ABL2: variants seen among roughly 807,000 people sequenced by gnomAD.
ABL2 encodes the protein tyrosine-protein kinase ABL2.
Under a neutral mutation model 107.7 loss-of-function variants are expected in ABL2, and 49 were observed. The ratio of observed to expected loss-of-function variants is 0.45; its 90% CI spans 0.36 to 0.58. The LOEUF is 0.58. Ranked by LOEUF, ABL2 falls within the 20% of genes least tolerant of loss-of-function variation. The probability of loss-of-function intolerance (pLI) is 0.00; values close to 1 mark genes in which losing one functional copy is unlikely to be tolerated. For missense variants in ABL2, 1,245 were observed against 1,457.0 expected, an observed-to-expected ratio of 0.85 and a Z score of 2.37; for synonymous variants, 549 against 548.6, an observed-to-expected ratio of 1.00 and a Z score of -0.01.
intron 1 of ABL2, among the ~76,000 whole-genome samples, chr1:179,158,793 C>T (rs1658866294): frequency 6.6e-6 from 1 of 152,132 alleles, no homozygotes; most frequent in South Asian, 2.1e-4. Context: ...ACTATACCAA[C>T]TATGATTTGT....
intron 1 of ABL2, among the ~76,000 whole-genome samples, chr1:179,165,724 C>T (rs1467134179): frequency 3.3e-5 from 5 of 151,922 alleles, no homozygotes; most frequent in East Asian, 1.9e-4. Flanking sequence ...CAAAAACACA[C>T]ACTAGATCAT....
chr1:179,213,603 TAC>T lies in ABL2; in HGVS notation c.157+15636_157+15637del, dbSNP rs1662404608. Among the ~76,000 whole-genome samples the T allele has an allele frequency of 5.3e-5, 8 of 151,990 alleles. No homozygotes were observed. The South Asian group carries it at 1.7e-3, about 32-fold the overall frequency. On this transcript the variant is annotated intron_variant, in intron 1 of 11. Transcript: ENST00000502732. ...GGTGTGAGCCACCACTCCTGGCCAA[TAC>T]TTCTCAGTTAGGACAAAGGACATTT...
chr1:179,183,357 TAACAAC>T (rs28914481), intron 1 of ABL2, among the ~76,000 whole-genome samples: 2 of 152,078 alleles, frequency 1.3e-5, no homozygotes, highest in South Asian at 2.1e-4. Flanking sequence ...CTTAAATTTA[TAACAAC>T]AACAACAACA....
chr1:179,104,060 G>GT lies in ABL2; in HGVS notation c.*3657dup, dbSNP rs1214187630. 3 of 233,026 alleles carry GT rather than the reference G, an allele frequency of 1.3e-5. No homozygotes were observed. The East Asian group carries it at 1.8e-4, about 14-fold the overall frequency. 14.4% of individuals were successfully genotyped at this position (233,026 alleles called of 1,614,324 possible). On this transcript the variant is annotated 3_prime_UTR_variant, in exon 12 of 12. Transcript: ENST00000502732. ...CAGTTTTTTTTGTTTGTTTTGTTTT[G>GT]TTTTTTAACCCTAGGGGATTCTGCT...
In ABL2 at chr1:179,163,205, G is replaced by A. The variant is rs138927930; in HGVS notation, c.158-29831C>T. Among the ~76,000 whole-genome samples the A allele has an allele frequency of 6.0e-4, 92 of 152,300 alleles. 1 individual carries two copies. Among genetic ancestry groups the A allele is most frequent in the Admixed American group, 3.1e-3 (48 of 15,292 alleles). ...GACACCACTATATGCCTATTGGAATGGCTAAGACAGAAAATACTGACATCA... is the reference window on the plus strand; with the variant it reads ...GACACCACTATATGCCTATTGGAATAGCTAAGACAGAAAATACTGACATCA... On this transcript the variant is annotated intron_variant, in intron 1 of 11. Coordinates refer to ENST00000502732, the MANE Select transcript of ABL2 (RefSeq NM_007314.4).
chr1:179,151,222 T>C (rs1658342845), intron 1 of ABL2, among the ~76,000 whole-genome samples: 1 of 152,204 alleles, frequency 6.6e-6, no homozygotes, highest in Non-Finnish European at 1.5e-5. Flanking sequence ...CTACCTCTCA[T>C]ACACTCACAT....
chr1:179,192,145 A>G (rs971913708), intron 1 of ABL2, among the ~76,000 whole-genome samples: 3 of 152,208 alleles, frequency 2.0e-5, no homozygotes, highest in African/African-American at 7.2e-5. Context: ...CTCTATACTC[A>G]GTAGTTACAG....
intron 1 of ABL2, among the ~76,000 whole-genome samples, chr1:179,135,879 GGC>G (rs1656891650): frequency 6.8e-6 from 1 of 146,500 alleles, no homozygotes; most frequent in Admixed American, 6.7e-5. Flanking sequence ...GAGGTGAGGG[GGC>G]GCCTCTGCCC....
In ABL2 at chr1:179,108,303, T is replaced by C. The variant is rs766019200; in HGVS notation, c.2964A>G (p.Pro988=). The C allele has an allele frequency of 6.2e-7, 1 of 1,613,590 alleles. No individual in the cohort carries two copies. Reference sequence around the variant, plus strand: ...ACGGATGCTGCAGTAGTCTCATCACTGGTGGTGGGGGTGGGGCACACTTTG... The same window carrying C: ...ACGGATGCTGCAGTAGTCTCATCACCGGTGGTGGGGGTGGGGCACACTTTG... ...VKPKCAPPPP[P]VMRLLQHPSI... is the part of the protein sequence containing the mutation. The change falls in exon 12 of 12, where the codon CCA becomes CCG. Residue 988 remains proline, a synonymous_variant. Transcript: ENST00000502732.
chr1:179,103,123 G>A lies in ABL2; in HGVS notation c.*4595C>T, dbSNP rs144717721. ...TCAAGGTCCTTGGAAGAGCTTCTGTGTTCTGGAGTGAGTACACATTCTTAC... is the reference window on the plus strand; with the variant it reads ...TCAAGGTCCTTGGAAGAGCTTCTGTATTCTGGAGTGAGTACACATTCTTAC... On this transcript the variant is annotated 3_prime_UTR_variant, in exon 12 of 12. Transcript: ENST00000502732. 1.5e-3 allele frequency: 334 copies of A among 220,080 alleles called. 2 individuals are homozygous for A. Among genetic ancestry groups the A allele is most frequent in the African/African-American group, 7.0e-3 (312 of 44,702 alleles). 13.6% of individuals were successfully genotyped at this position (220,080 alleles called of 1,614,324 possible).
chr1:179,180,022 G>A (rs899527358), intron 1 of ABL2, among the ~76,000 whole-genome samples: 1 of 151,908 alleles, frequency 6.6e-6, no homozygotes, highest in African/African-American at 2.4e-5. Flanking sequence ...TGAGGTGGGA[G>A]GATCACTTGA....
At position 179,099,840 on chromosome 1, in the gene ABL2, C is replaced by T. The variant is rs1214588595; in HGVS notation, c.*7878G>A. 1 of 232,132 alleles carries T rather than the reference C, an allele frequency of 4.3e-6. No homozygotes were observed. The highest frequency in any genetic ancestry group is 2.2e-5 in the African/African-American group (1 of 45,284). The allele number at this position is 232,132 out of a possible 1,614,324, so 14.4% of individuals were successfully genotyped here. ...TGACAGTCATTAGAGAATCAGACTGCAGAGAAGGAAAAGTGCAGGGTCTGG... is the reference window on the plus strand; with the variant it reads ...TGACAGTCATTAGAGAATCAGACTGTAGAGAAGGAAAAGTGCAGGGTCTGG... On this transcript the variant is annotated 3_prime_UTR_variant, in exon 12 of 12. Coordinates refer to ENST00000502732, the MANE Select transcript of ABL2 (RefSeq NM_007314.4).
chr1:179,150,921 T>C (rs1189242326), intron 1 of ABL2, among the ~76,000 whole-genome samples: 2 of 152,208 alleles, frequency 1.3e-5, no homozygotes, highest in Non-Finnish European at 2.9e-5. Flanking sequence ...GCCATCAATG[T>C]TGGGGCCAGG....
At chr1:179,124,420 A>C (rs1394818169) in intron 4 of ABL2, among the ~76,000 whole-genome samples, 4 of 147,024 alleles carry the variant, frequency 2.7e-5, no homozygotes, top group Non-Finnish European at 6.0e-5. Context: ...GCCCTTGCAG[A>C]GATAGCCACT....
rs1352165829 is a variant in ABL2, at chr1:179,123,895, T to G, written c.688-2028A>C. Among the ~76,000 whole-genome samples the G allele has an allele frequency of 2.0e-5, 3 of 152,068 alleles. No homozygotes were observed. In the East Asian group the frequency reaches 5.9e-4, roughly 30 times the overall value. On this transcript the variant is annotated intron_variant, in intron 4 of 11. Coordinates refer to ENST00000502732, the MANE Select transcript of ABL2 (RefSeq NM_007314.4). ...ATCTACCCTCCTTGGCCTCCCCAAG[T>G]GTTGGGATTACAGGCATAGGCCACC...
intron 1 of ABL2, among the ~76,000 whole-genome samples, chr1:179,226,525 T>G (rs965560336): frequency 1.3e-5 from 2 of 152,016 alleles, no homozygotes; most frequent in Non-Finnish European, 2.9e-5. Flanking sequence ...CTCAGGCTGG[T>G]CTCGAACTCC....
At chr1:179,125,629 T>C (rs1655661844) in intron 4 of ABL2, among the ~76,000 whole-genome samples, 1 of 152,222 alleles carries the variant, frequency 6.6e-6, no homozygotes, top group African/African-American at 2.4e-5. Context: ...CATTATGTTT[T>C]ACAGAAATTA....
At chr1:179,122,536 G>A (rs144301287) in intron 4 of ABL2, among the ~76,000 whole-genome samples, 1 of 151,728 alleles carries the variant, frequency 6.6e-6, no homozygotes, top group African/African-American at 2.4e-5. Context: ...ATTAGTCTTG[G>A]GAAAAACCTT....
At chr1:179,189,271 G>T (rs2816197) in intron 1 of ABL2, among the ~76,000 whole-genome samples, 52,623 of 151,938 alleles carry the variant, frequency 0.35, 9,528 homozygotes, top group East Asian at 0.48. Context: ...GAGTAGCTGG[G>T]ATTACAGGTA....
Sources: allele counts gnomAD v4.1 joint callset (sites outside exome capture counted in the v4.1 genomes callset), GRCh38; gene constraint gnomAD v4.1.1; transcripts MANE v1.5; gene names NCBI Gene and HGNC (gene_info 2026-07-23, HGNC 2026-07-21).